Variants in KIF1B observed in about 807,000 individuals in gnomAD.
KIF1B encodes kinesin-like protein KIF1B.
KIF1B carries 76 observed loss-of-function variants against 241.9 expected under a neutral mutation model. The observed-to-expected ratio is 0.31, with a 90% CI of 0.26 to 0.38. The LOEUF is 0.38. Among genes scored for constraint, KIF1B ranks in the 10% least tolerant of loss-of-function variants. KIF1B has a pLI of 1.00. For missense variants in KIF1B, 1,622 were observed against 2,271.4 expected (o/e 0.71, Z 5.81); for synonymous variants, 750 against 796.7 (o/e 0.94, Z 0.99).
intron 4 of KIF1B, 43 bp from the exon 5 acceptor site, chr1:10,261,862 T>C: frequency 7.7e-7 from 1 of 1,301,926 alleles, no homozygotes; most frequent in Non-Finnish European, 1.1e-6. Context: ...TTAGTACTCC[T>C]CTCATTTGTG....
intron 34 of KIF1B, among the ~76,000 whole-genome samples, 169 bp downstream of exon 34, chr1:10,343,456 G>T (rs1313218170): frequency 2.0e-5 from 3 of 152,060 alleles, no homozygotes; most frequent in Non-Finnish European, 4.4e-5. Context: ...CCTAGTTCCT[G>T]ATTTAAAATA....
At chr1:10,249,759 C>T (rs1193621337) in intron 2 of KIF1B, among the ~76,000 whole-genome samples, 1 of 152,094 alleles carries the variant, frequency 6.6e-6, no homozygotes, top group African/African-American at 2.4e-5. Flanking sequence ...ACAAATTAGC[C>T]GTGCATGGTG....
chr1:10,351,553 G>C (rs1315164941), intron 37 of KIF1B, among the ~76,000 whole-genome samples: 1 of 152,200 alleles, frequency 6.6e-6, no homozygotes, highest in Non-Finnish European at 1.5e-5. Flanking sequence ...CAGGTGGTAG[G>C]AGTTGGAACC....
Position 10,342,032 on chromosome 1 carries a change from A to G in KIF1B, c.3514-18A>G, listed in dbSNP as rs749470280. 2.8e-6 allele frequency: 4 copies of G among 1,453,878 alleles called. No individual in the cohort carries two copies. The East Asian group carries it at 6.8e-5, about 25-fold the overall frequency. The allele number at this position is 1,453,878 out of a possible 1,614,324, so 90.1% of individuals were successfully genotyped here. ...GTGTATTTTCTTGTAATCTTTTCCTAATCTTGCTTGGCTTTAGATTGCAGT... is the reference window on the plus strand; with the variant it reads ...GTGTATTTTCTTGTAATCTTTTCCTGATCTTGCTTGGCTTTAGATTGCAGT... On this transcript the variant is annotated intron_variant, in intron 32 of 48. Transcript: ENST00000676179.
Position 10,361,802 on chromosome 1 carries a change from C to T in KIF1B, c.4281C>T (p.Ser1427=), listed in dbSNP as rs148438684. ...PPRSLRSLFG[S]GYSKSPDSNR... ...GCTCTCTGCGTAGCCTCTTTGGCAG[C>T]GGCTACTCAAAGTCACCAGATTCGT... Residue 1427 remains serine (S), a synonymous_variant, in exon 40 of 49, where the codon AGC becomes AGT. Coordinates refer to ENST00000676179, the MANE Select transcript of KIF1B (RefSeq NM_001365951.3). The T allele has an allele frequency of 3.2e-5, 52 of 1,613,904 alleles. No homozygotes were observed. In the Admixed American group the frequency reaches 7.5e-4, roughly 23 times the overall value.
At chr1:10,217,593 A>G (rs990477855) in intron 1 of KIF1B, among the ~76,000 whole-genome samples, 1 of 152,054 alleles carries the variant, frequency 6.6e-6, no homozygotes, top group African/African-American at 2.4e-5. Context: ...CTGAGGTTAC[A>G]GGCGTGAGCC....
Position 10,303,097 on chromosome 1 carries a change from AT to A in KIF1B, c.2115+5855del, listed in dbSNP as rs551574617. Reference sequence around the variant, plus strand: ...TTTTGCTTGCTTTTTCTTCGATTTAATTTTCCTTTTTTACATTTTAATTTTG... The same window carrying A: ...TTTTGCTTGCTTTTTCTTCGATTTAATTTCCTTTTTTACATTTTAATTTTG... On this transcript the variant is annotated intron_variant, in intron 22 of 48. Coordinates refer to ENST00000676179, the MANE Select transcript of KIF1B (RefSeq NM_001365951.3). This position sits in a 1 kb window ranked among gnomAD's most constrained non-coding sequence, Gnocchi z 5.2. 1 of 1,547,252 alleles carries A rather than the reference AT, an allele frequency of 6.5e-7. No homozygotes were observed. Among genetic ancestry groups the A allele is most frequent in the South Asian group, 1.2e-5 (1 of 81,602 alleles).
At chr1:10,351,073 CAAAAA>C (rs35072176) in intron 37 of KIF1B, among the ~76,000 whole-genome samples, 1 of 104,666 alleles carries the variant, frequency 9.6e-6, no homozygotes, top group Non-Finnish European at 2.0e-5. Flanking sequence ...AAGACCCTGT[CAAAAA>C]AAAAAAAAAA....
intron 22 of KIF1B, among the ~76,000 whole-genome samples, chr1:10,309,500 A>G (rs1650978094): frequency 6.6e-6 from 1 of 151,716 alleles, no homozygotes; most frequent in South Asian, 2.1e-4. Context: ...GGGTGTGGAT[A>G]TTTTCCTTCC....
intron 38 of KIF1B, among the ~76,000 whole-genome samples, chr1:10,354,043 G>T (rs553830557): frequency 6.6e-6 from 1 of 152,240 alleles, no homozygotes; most frequent in East Asian, 1.9e-4. Context: ...TGAAATACTG[G>T]TTATTCTAAT....
chr1:10,365,218 G>C lies in KIF1B; in HGVS notation c.4485G>C (p.Glu1495Asp), dbSNP rs751629238. ...GCCTCATCCTTGAGCACCAGTGGGA[G>C]CTGGAGAAGCTGGAGCTCCTACATG... is the stretch of plus-strand genomic sequence containing the variant. Reference protein sequence around the residue: ...GDSLILEHQWELEKLELLHEV... With the variant: ...GDSLILEHQWDLEKLELLHEV... Residue 1495 changes from glutamate to aspartate, a missense_variant, in exon 42 of 49, where the codon GAG becomes GAC. By Grantham distance (45) the Glu-to-Asp change is conservative. Coordinates refer to ENST00000676179, the MANE Select transcript of KIF1B (RefSeq NM_001365951.3). The surrounding 1 kb of genome is among the most constrained non-coding windows in gnomAD (Gnocchi z 4.0). The C allele has an allele frequency of 6.2e-7, 1 of 1,614,078 alleles. No homozygotes were observed. The highest frequency in any genetic ancestry group is 8.5e-7 in the Non-Finnish European group (1 of 1,180,012).
chr1:10,273,739 A>AC (rs869310348), intron 10 of KIF1B, among the ~76,000 whole-genome samples: 2 of 67,682 alleles, frequency 3.0e-5, no homozygotes. Context: ...AAAAAAAAAA[A>AC]CCCAACAAAC....
At chr1:10,264,757 G>A (rs563752520) in intron 5 of KIF1B, among the ~76,000 whole-genome samples, 1 of 152,114 alleles carries the variant, frequency 6.6e-6, no homozygotes. Flanking sequence ...CGCCTCCCAG[G>A]TTCAAGCAAT....
chr1:10,285,204 T>A (rs1016705856), intron 15 of KIF1B, among the ~76,000 whole-genome samples: 3 of 152,228 alleles, frequency 2.0e-5, no homozygotes, highest in African/African-American at 7.2e-5. Flanking sequence ...GTCCTTAATA[T>A]AAAATGTTCT....
At chr1:10,358,174 A>T (rs1557735036) in intron 38 of KIF1B, among the ~76,000 whole-genome samples, 2 of 151,528 alleles carry the variant, frequency 1.3e-5, no homozygotes, top group Non-Finnish European at 1.5e-5. Context: ...TTCCCTCAAT[A>T]CAGGAAGACT....
At chr1:10,370,584 T>TAAGAAG (rs201667068) in intron 44 of KIF1B, among the ~76,000 whole-genome samples, 368 of 134,972 alleles carry the variant, frequency 2.7e-3, no homozygotes, top group African/African-American at 9.9e-3. Flanking sequence ...ATAATAATAA[T>TAAGAAG]AATAATAATA....
chr1:10,308,044 G>C (rs963347301), intron 22 of KIF1B: 47 of 1,058,020 alleles, frequency 4.4e-5, no homozygotes, highest in Non-Finnish European at 4.7e-5. Context: ...ACAAAACACT[G>C]AATTTTTCAC....
At chr1:10,255,793 T>TTTCA (rs1647741333) in intron 2 of KIF1B, among the ~76,000 whole-genome samples, 1 of 151,136 alleles carries the variant, frequency 6.6e-6, no homozygotes, top group East Asian at 1.9e-4. Context: ...CTATGATTGT[T>TTTCA]TTCATTCATT....
intron 23 of KIF1B, among the ~76,000 whole-genome samples, chr1:10,320,691 A>T (rs1393626099): frequency 1.3e-5 from 2 of 151,574 alleles, no homozygotes; most frequent in Middle Eastern, 3.4e-3. Context: ...CTTTGAAGGA[A>T]CTCTTAATTT....
Sources: allele counts gnomAD v4.1 joint callset (sites outside exome capture counted in the v4.1 genomes callset), GRCh38; gene constraint gnomAD v4.1.1; non-coding constraint Gnocchi (gnomAD v3.1); transcripts MANE v1.5; gene names NCBI Gene and HGNC (gene_info 2026-07-23, HGNC 2026-07-21).